TMEM117: variants seen among roughly 807,000 people sequenced by gnomAD.
The protein encoded by TMEM117 is transmembrane protein 117.
A neutral mutation model predicts 52.4 loss-of-function variants in TMEM117; 27 were observed. The ratio of observed to expected loss-of-function variants is 0.51; its 90% CI spans 0.38 to 0.71. TMEM117 has a LOEUF of 0.71. Among genes scored for constraint, TMEM117 ranks in the 30% least tolerant of loss-of-function variants. The pLI is 0.00. For synonymous variants in TMEM117, 215 were observed against 206.3 expected, an observed-to-expected ratio of 1.04 and a Z score of -0.36; for missense variants, 556 against 630.5, an observed-to-expected ratio of 0.88 and a Z score of 1.26.
intron 5 of TMEM117, among the ~76,000 whole-genome samples, chr12:44,236,329 T>C (rs1007892380): frequency 1.3e-5 from 2 of 152,100 alleles, no homozygotes; most frequent in African/African-American, 4.8e-5. Context: ...CTTAACATTT[T>C]GTCTCTCCAT....
At chr12:44,361,421 G>A (rs1951719132) in intron 6 of TMEM117, among the ~76,000 whole-genome samples, 1 of 152,214 alleles carries the variant, frequency 6.6e-6, no homozygotes, top group East Asian at 1.9e-4. Context: ...CTAATACAAT[G>A]CTTCCATATT....
intron 6 of TMEM117, among the ~76,000 whole-genome samples, chr12:44,362,315 T>C (rs1459557130): frequency 6.6e-6 from 1 of 151,948 alleles, no homozygotes; most frequent in Non-Finnish European, 1.5e-5. Flanking sequence ...CTCATAGAGG[T>C]CTTTTCTTAC....
At chr12:44,155,787 G>A (rs958465916) in intron 4 of TMEM117, among the ~76,000 whole-genome samples, 2 of 152,062 alleles carry the variant, frequency 1.3e-5, no homozygotes, top group African/African-American at 4.8e-5. Context: ...TCAGCAGAAA[G>A]TCTGCCCTTT....
chr12:43,981,164 T>C (rs1945754343), intron 3 of TMEM117, among the ~76,000 whole-genome samples: 1 of 152,194 alleles, frequency 6.6e-6, no homozygotes, highest in African/African-American at 2.4e-5. Flanking sequence ...ACCGATCTCC[T>C]ACACCATGTC....
intron 2 of TMEM117, among the ~76,000 whole-genome samples, chr12:43,865,106 G>A (rs1943565608): frequency 6.6e-6 from 1 of 152,134 alleles, no homozygotes; most frequent in Non-Finnish European, 1.5e-5. Context: ...CTCCGGACCC[G>A]CTGCCTTTAA....
chr12:43,827,775 G>A, the TMEM117 span, among the ~76,000 whole-genome samples: 1 of 152,158 alleles, frequency 6.6e-6, no homozygotes, highest in African/African-American at 2.4e-5. Flanking sequence ...ACCTCAGAAT[G>A]TGATCTTATT....
chr12:44,309,740 C>T (rs2138666269), intron 6 of TMEM117, among the ~76,000 whole-genome samples: 1 of 147,974 alleles, frequency 6.8e-6, no homozygotes, highest in African/African-American at 2.5e-5. Flanking sequence ...TTTCCTAAGG[C>T]ACACAGATAC....
intron 3 of TMEM117, among the ~76,000 whole-genome samples, chr12:43,999,140 A>G (rs924245125): frequency 1.3e-5 from 2 of 152,218 alleles, no homozygotes; most frequent in East Asian, 3.8e-4. Context: ...AGGTGAACAT[A>G]TATCAATATT....
chr12:44,183,001 T>C (rs992614293), intron 4 of TMEM117, among the ~76,000 whole-genome samples: 5 of 152,206 alleles, frequency 3.3e-5, no homozygotes, highest in African/African-American at 1.2e-4. Context: ...ATGAACATCA[T>C]TATAATCATT....
At chr12:43,903,150 A>G (rs1396966521) in intron 2 of TMEM117, among the ~76,000 whole-genome samples, 4 of 152,204 alleles carry the variant, frequency 2.6e-5, no homozygotes, top group Non-Finnish European at 5.9e-5. Flanking sequence ...GCTACTTGAT[A>G]TATACTTTTC....
chr12:43,873,070 CA>C (rs1226677066), intron 2 of TMEM117, among the ~76,000 whole-genome samples: 1 of 152,072 alleles, frequency 6.6e-6, no homozygotes, highest in African/African-American at 2.4e-5. Flanking sequence ...AGAGGATGCT[CA>C]ATAGTGATGG....
chr12:43,991,437 TTATCTATCTATCTATCTATC>T lies in TMEM117; in HGVS notation c.410+47114_410+47133del, dbSNP rs58794606. ...ATAACCAATCCACAAATATTTATTG[TTATCTATCTATCTATCTATC>T]TATCTATCTATCTATCTAATCTATC... On this transcript the variant is annotated intron_variant, in intron 3 of 7. Coordinates refer to ENST00000266534, the MANE Select transcript of TMEM117 (RefSeq NM_032256.3). Among the ~76,000 whole-genome samples, 46 of 150,184 alleles carry T rather than the reference TTATCTATCTATCTATCTATC, an allele frequency of 3.1e-4. 1 individual carries two copies. The highest frequency in any genetic ancestry group is 9.9e-4 in the African/African-American group (40 of 40,592).
intron 4 of TMEM117, among the ~76,000 whole-genome samples, chr12:44,186,621 A>G (rs1156540106): frequency 6.6e-6 from 1 of 152,160 alleles, no homozygotes; most frequent in Non-Finnish European, 1.5e-5. Context: ...AAATCTAGCA[A>G]TAGTCATAAC....
chr12:43,816,114 C>A, the TMEM117 span, among the ~76,000 whole-genome samples: 1 of 152,112 alleles, frequency 6.6e-6, no homozygotes, highest in East Asian at 1.9e-4. Flanking sequence ...AGCTCAAAGT[C>A]TTTGGCTATC....
In TMEM117 at chr12:43,858,793, C is replaced by T. The variant is rs1260904597; in HGVS notation, c.277+13865C>T. On this transcript the variant is annotated intron_variant, in intron 2 of 7. Transcript: ENST00000266534. ...GGAAGAGTGTCTTTTATGTCCTTTC[C>T]ACTTTATTCCTGTTTGAACTGTGCT... is the stretch of plus-strand genomic sequence containing the variant. Among the ~76,000 whole-genome samples the T allele has an allele frequency of 2.0e-5, 3 of 152,098 alleles. No homozygotes were observed. The East Asian group carries it at 5.8e-4, about 29-fold the overall frequency.
chr12:43,907,794 GA>G (rs1312801338), intron 2 of TMEM117, among the ~76,000 whole-genome samples: 6 of 144,006 alleles, frequency 4.2e-5, no homozygotes, highest in Non-Finnish European at 9.2e-5. Flanking sequence ...GAAGTTTAGA[GA>G]AAAAAGAATA....
intron 3 of TMEM117, among the ~76,000 whole-genome samples, chr12:44,086,844 T>A (rs1947576326): frequency 6.6e-6 from 1 of 151,792 alleles, no homozygotes; most frequent in Admixed American, 6.6e-5. Flanking sequence ...ACAACCAGGG[T>A]GACTTCCCTT....
chr12:43,903,748 T>G (rs1944341034), intron 2 of TMEM117, among the ~76,000 whole-genome samples: 1 of 152,170 alleles, frequency 6.6e-6, no homozygotes, highest in Non-Finnish European at 1.5e-5. Flanking sequence ...GAACACTTGA[T>G]CTTGCAGTGC....
intron 5 of TMEM117, among the ~76,000 whole-genome samples, chr12:44,290,501 G>A (rs1304218746): frequency 6.6e-6 from 1 of 152,138 alleles, no homozygotes; most frequent in Non-Finnish European, 1.5e-5. Flanking sequence ...TTAGTTGACT[G>A]TCTATGTATG....
Sources: allele counts gnomAD v4.1 joint callset (sites outside exome capture counted in the v4.1 genomes callset), GRCh38; gene constraint gnomAD v4.1.1; transcripts MANE v1.5; gene names NCBI Gene and HGNC (gene_info 2026-07-23, HGNC 2026-07-21).